VAV3: variants seen among roughly 807,000 people sequenced by gnomAD.
VAV3 encodes vav guanine nucleotide exchange factor 3.
A neutral mutation model predicts 131.2 loss-of-function variants in VAV3; 94 were observed. That is an observed-to-expected ratio of 0.72 (90% CI 0.61 to 0.85). The LOEUF is 0.85. VAV3 is among the 40% of genes least tolerant of loss of function. The pLI, the probability that VAV3 is intolerant of heterozygous loss-of-function variation, is 0.00. For missense variants in VAV3, 939 were observed against 1,002.7 expected (o/e 0.94, Z 0.86); for synonymous variants, 349 against 342.0 (o/e 1.02, Z -0.22).
chr1:107,630,707 T>C (rs1654401551), intron 20 of VAV3, among the ~76,000 whole-genome samples: 2 of 152,128 alleles, frequency 1.3e-5, no homozygotes, highest in Admixed American at 6.5e-5. Flanking sequence ...TATTTTAGGA[T>C]TCAAGCCATA....
At position 107,688,574 on chromosome 1, in the gene VAV3, C is replaced by A. The variant is rs79996958; in HGVS notation, c.1706-168G>T. ...GCTGGGCTAGTAATTATTTTGCAAC[C>A]TTGGTTCTCTTACCCTATTGGCTTG... On this transcript the variant is annotated intron_variant, in intron 17 of 26. Transcript: ENST00000370056. 2,077 of 1,495,892 alleles carry A rather than the reference C, an allele frequency of 1.4e-3. 29 individuals are homozygous for A. In the African/African-American group the frequency reaches 0.027, roughly 19 times the overall value. 92.7% of individuals were successfully genotyped at this position (1,495,892 alleles called of 1,614,324 possible).
chr1:107,585,487 T>C (rs111729848), intron 25 of VAV3, among the ~76,000 whole-genome samples: 6,601 of 152,234 alleles, frequency 0.043, 451 homozygotes, highest in African/African-American at 0.15. Flanking sequence ...TAAAGTCCTT[T>C]AGGGCCTTAA....
intron 2 of VAV3, among the ~76,000 whole-genome samples, chr1:107,806,559 C>T (rs184116140): frequency 8.8e-4 from 134 of 152,140 alleles, no homozygotes; most frequent in Non-Finnish European, 1.6e-3. Context: ...TAAGAACATA[C>T]GTTGGAATAT....
At chr1:107,597,670 C>T (rs1651500875) in intron 24 of VAV3, among the ~76,000 whole-genome samples, 1 of 152,134 alleles carries the variant, frequency 6.6e-6, no homozygotes, top group African/African-American at 2.4e-5. Flanking sequence ...TGGAAACAGA[C>T]ATAAAGGTGA....
At chr1:107,876,661 A>C in intron 1 of VAV3, among the ~76,000 whole-genome samples, 1 of 152,176 alleles carries the variant, frequency 6.6e-6, no homozygotes, top group East Asian at 1.9e-4. Flanking sequence ...ACTTAAAAAA[A>C]CAAAAGTTAA....
In VAV3 at chr1:107,740,167, A is replaced by G. The variant is rs182531651; in HGVS notation, c.1502+8801T>C. 1.4e-4 allele frequency among the ~76,000 whole-genome samples: 22 copies of G among 152,208 alleles called. No homozygotes were observed. The East Asian group carries it at 4.1e-3, about 28-fold the overall frequency. ...CTGGGTGTGGTGTTGCGTGCCTATAATCACAGCTACTCAGGAGGCTGAGGC... is the reference window on the plus strand; with the variant it reads ...CTGGGTGTGGTGTTGCGTGCCTATAGTCACAGCTACTCAGGAGGCTGAGGC... On this transcript the variant is annotated intron_variant, in intron 15 of 26. Transcript: ENST00000370056.
rs761975073 is a variant in VAV3, at chr1:107,573,343, T to A, written c.2532A>T (p.Glu844Asp). The A allele has an allele frequency of 8.1e-6, 13 of 1,614,030 alleles. No individual in the cohort carries two copies. The Admixed American group carries it at 2.0e-4, about 25-fold the overall frequency. Reference sequence around the variant, plus strand: ...ACGGGATTTGAATTTATTCATCCTCTTCCACATATGTGGATGGAAACCAGC... The same window carrying A: ...ACGGGATTTGAATTTATTCATCCTCATCCACATATGTGGATGGAAACCAGC... ...RVGWFPSTYV[E>D]EDE The change falls in exon 27 of 27, where the codon GAA becomes GAT. Residue 844 changes from glutamate (E) to aspartate (D), a missense_variant. Coordinates refer to ENST00000370056, the MANE Select transcript of VAV3 (RefSeq NM_006113.5).
At chr1:107,749,638 A>G (rs6672483) in intron 13 of VAV3, 44 bp from the exon 14 acceptor site, 1,023,687 of 1,592,786 alleles carry the variant, frequency 0.64, 335,371 homozygotes, top group East Asian at 0.98. Context: ...TGGTTTAGAA[A>G]CATGGGTTAT....
chr1:107,643,530 G>A (rs58996761), intron 19 of VAV3, among the ~76,000 whole-genome samples: 9,001 of 152,156 alleles, frequency 0.059, 657 homozygotes, highest in African/African-American at 0.18. Flanking sequence ...TTCATTTACA[G>A]GTGAAACTGC....
chr1:107,573,543 G>A (rs1045435777), intron 26 of VAV3, among the ~76,000 whole-genome samples, 171 bp from the exon 27 acceptor site: 5 of 152,154 alleles, frequency 3.3e-5, no homozygotes, highest in Non-Finnish European at 7.4e-5. Flanking sequence ...TAGAGTAAAT[G>A]ATCGAAATGG....
chr1:107,596,065 C>T, intron 25 of VAV3, 147 bp downstream of exon 25: 2 of 1,019,224 alleles, frequency 2.0e-6, no homozygotes, highest in Non-Finnish European at 2.8e-6. Flanking sequence ...GTCCATCTGA[C>T]TCTGCTTAAC....
At chr1:107,628,864 G>A (rs1336204556) in intron 20 of VAV3, among the ~76,000 whole-genome samples, 1 of 152,142 alleles carries the variant, frequency 6.6e-6, no homozygotes, top group Non-Finnish European at 1.5e-5. Context: ...AAGGTAACAT[G>A]ATTTTCCATT....
intron 25 of VAV3, among the ~76,000 whole-genome samples, chr1:107,592,598 T>C (rs941500811): frequency 6.6e-6 from 1 of 152,110 alleles, no homozygotes; most frequent in Non-Finnish European, 1.5e-5. Flanking sequence ...CATACAACTT[T>C]TCCTAATGCA....
chr1:107,681,144 T>C (rs931228177), intron 19 of VAV3, among the ~76,000 whole-genome samples: 2 of 152,154 alleles, frequency 1.3e-5, no homozygotes, highest in Non-Finnish European at 2.9e-5. Context: ...CCCGGCCTCC[T>C]AAACTCTTTA....
intron 1 of VAV3, among the ~76,000 whole-genome samples, chr1:107,942,742 C>G (rs952920360): frequency 6.6e-6 from 1 of 152,172 alleles, no homozygotes; most frequent in South Asian, 2.1e-4. Flanking sequence ...TACCAACCCC[C>G]GGCCTTTGTA....
chr1:107,793,863 G>A (rs1291947192), intron 2 of VAV3, among the ~76,000 whole-genome samples: 1 of 152,226 alleles, frequency 6.6e-6, no homozygotes. Flanking sequence ...TGATTAGGGA[G>A]TAAATCTGGG....
intron 19 of VAV3, among the ~76,000 whole-genome samples, chr1:107,662,001 C>T (rs1657055752): frequency 6.6e-6 from 1 of 152,088 alleles, no homozygotes; most frequent in African/African-American, 2.4e-5. Context: ...TCACTATGTG[C>T]CTATAAGCAA....
At chr1:107,865,020 C>T (rs981396622) in intron 2 of VAV3, among the ~76,000 whole-genome samples, 1 of 152,168 alleles carries the variant, frequency 6.6e-6, no homozygotes, top group South Asian at 2.1e-4. Flanking sequence ...GCTTTTCCCT[C>T]AGAATTCAAT....
Position 107,733,689 on chromosome 1 carries a change from G to A in VAV3, c.1502+15279C>T, listed in dbSNP as rs56266122. On this transcript the variant is annotated intron_variant, in intron 15 of 26. Coordinates refer to ENST00000370056, the MANE Select transcript of VAV3 (RefSeq NM_006113.5). ...AATGAAGCGAGAAGAGAAGTTTAGA[G>A]AAAAAAAAGTAAAAAGAAACAAACA... Among the ~76,000 whole-genome samples the A allele has an allele frequency of 2.5e-3, 372 of 151,748 alleles. 1 individual carries two copies. The highest frequency in any genetic ancestry group is 3.7e-3 in the Non-Finnish European group (250 of 67,882).
Sources: allele counts gnomAD v4.1 joint callset (sites outside exome capture counted in the v4.1 genomes callset), GRCh38; gene constraint gnomAD v4.1.1; transcripts MANE v1.5; gene names NCBI Gene and HGNC (gene_info 2026-07-23, HGNC 2026-07-21).